The following ARK2N variants were observed in gnomAD, a reference collection of about 807,000 sequenced individuals.
ARK2N encodes protein ARK2N.
the ARK2N span, among the ~76,000 whole-genome samples, chr18:46,236,738 A>G: frequency 3.2e-4 from 48 of 152,338 alleles, no homozygotes; most frequent in Middle Eastern, 3.4e-3. Flanking sequence ...TTTTAGTAGC[A>G]TAGAGGAATA....
the ARK2N span, among the ~76,000 whole-genome samples, chr18:46,256,418 T>A: frequency 3.6e-3 from 540 of 151,466 alleles, 5 homozygotes; most frequent in African/African-American, 0.011. Flanking sequence ...CTTCTTTTTT[T>A]AAAAAAAAAT....
chr18:46,190,932 T>C, the ARK2N span, among the ~76,000 whole-genome samples: 1 of 152,000 alleles, frequency 6.6e-6, no homozygotes, highest in South Asian at 2.1e-4. Flanking sequence ...TCATCTGTGG[T>C]TTTTTTTAAA....
At chr18:46,199,763 C>G in the ARK2N span, among the ~76,000 whole-genome samples, 1 of 152,162 alleles carries the variant, frequency 6.6e-6, no homozygotes, top group Non-Finnish European at 1.5e-5. Context: ...GTTTAACTCT[C>G]CCCTAGATCT....
At chr18:46,200,076 G>GTT in the ARK2N span, among the ~76,000 whole-genome samples, 362 of 151,414 alleles carry the variant, frequency 2.4e-3, 1 homozygote, top group African/African-American at 8.4e-3. Flanking sequence ...TTGTGTGTGT[G>GTT]TGTGTGTGTG....
chr18:46,185,179 G>C, the ARK2N span, among the ~76,000 whole-genome samples: 1 of 152,220 alleles, frequency 6.6e-6, no homozygotes, highest in Non-Finnish European at 1.5e-5. Context: ...ATCAGATATT[G>C]ATTATGTGTT....
the ARK2N span, among the ~76,000 whole-genome samples, chr18:46,200,949 T>A: frequency 6.6e-6 from 1 of 151,678 alleles, no homozygotes; most frequent in Non-Finnish European, 1.5e-5. Flanking sequence ...AGGGCACTAC[T>A]ACGATTTTGA....
the ARK2N span, among the ~76,000 whole-genome samples, chr18:46,205,691 A>G: frequency 6.6e-6 from 1 of 152,030 alleles, no homozygotes; most frequent in Admixed American, 6.6e-5. Context: ...CTGTATTTCT[A>G]TATTTTTGAG....
the ARK2N span, among the ~76,000 whole-genome samples, chr18:46,176,363 A>G: frequency 2.6e-5 from 4 of 152,210 alleles, no homozygotes; most frequent in African/African-American, 9.6e-5. Flanking sequence ...TTTCCTGCAC[A>G]TAACTGAGGA....
At chr18:46,181,327 A>G in the ARK2N span, among the ~76,000 whole-genome samples, 3 of 152,122 alleles carry the variant, frequency 2.0e-5, no homozygotes, top group African/African-American at 4.8e-5. Flanking sequence ...ATTTGCTTGT[A>G]ATTCAAGTTC....
the ARK2N span, among the ~76,000 whole-genome samples, chr18:46,227,847 C>T: frequency 6.6e-6 from 1 of 152,194 alleles, no homozygotes; most frequent in Non-Finnish European, 1.5e-5. Flanking sequence ...ATCTGCCTGC[C>T]TCAGCCTCCC....
the ARK2N span, among the ~76,000 whole-genome samples, chr18:46,227,510 C>G: frequency 5.7e-4 from 86 of 152,042 alleles, no homozygotes; most frequent in African/African-American, 2.0e-3. Flanking sequence ...TGGCTTATTT[C>G]TGTGCTCAGT....
the ARK2N span, among the ~76,000 whole-genome samples, chr18:46,226,406 T>C: frequency 1.2e-3 from 190 of 152,326 alleles, 1 homozygote; most frequent in African/African-American, 4.1e-3. Flanking sequence ...TGGTACTCTG[T>C]TGTAAAGGAT....
the ARK2N span, chr18:46,216,384 C>T: frequency 2.9e-5 from 47 of 1,614,016 alleles, no homozygotes; most frequent in Non-Finnish European, 3.4e-5. The surrounding 1 kb of genome is among the most constrained non-coding windows in gnomAD (Gnocchi z 4.3). Context: ...ATGGCCGAGT[C>T]GCCAAGGTTA....
chr18:46,264,771 T>G, the ARK2N span: 25,264 of 150,372 alleles, frequency 0.17, 2,566 homozygotes, highest in East Asian at 0.4. Flanking sequence ...AGTTTATTCC[T>G]TTACGCTTCT....
chr18:46,186,265 G>A, the ARK2N span, among the ~76,000 whole-genome samples: 4 of 150,592 alleles, frequency 2.7e-5, no homozygotes, highest in Admixed American at 1.3e-4. Flanking sequence ...GTGCTATCTC[G>A]GCTCACTGCA....
chr18:46,175,442 A>G, the ARK2N span, among the ~76,000 whole-genome samples: 1 of 152,066 alleles, frequency 6.6e-6, no homozygotes, highest in Non-Finnish European at 1.5e-5. Flanking sequence ...GAAGCTATTA[A>G]CTTTCTAATG....
At chr18:46,190,765 C>T in the ARK2N span, among the ~76,000 whole-genome samples, 1 of 152,114 alleles carries the variant, frequency 6.6e-6, no homozygotes, top group Non-Finnish European at 1.5e-5. Flanking sequence ...AGTTTTAATG[C>T]TAAGAAGCAA....
the ARK2N span, among the ~76,000 whole-genome samples, chr18:46,246,934 T>TC: frequency 1.5e-5 from 2 of 129,420 alleles, no homozygotes; most frequent in East Asian, 4.6e-4. Context: ...AGAGCAAAAC[T>TC]CCATTTCAAA....
At chr18:46,255,429 G>GCTTTT in the ARK2N span, among the ~76,000 whole-genome samples, 88 of 127,464 alleles carry the variant, frequency 6.9e-4, 1 homozygote, top group African/African-American at 1.3e-3. Context: ...TCTTTTCTTT[G>GCTTTT]CTTTTCTTTT....
Sources: gnomAD v4.1 joint callset for allele counts (sites outside exome capture counted in the v4.1 genomes callset) on GRCh38, gnomAD v4.1.1 for gene constraint, Gnocchi (gnomAD v3.1) non-coding constraint, MANE v1.5 for transcripts, NCBI Gene and HGNC (gene_info 2026-07-23, HGNC 2026-07-21) for gene names.